PPP2R1B: variants seen among roughly 807,000 people sequenced by gnomAD.
PPP2R1B encodes protein phosphatase 2 scaffold subunit Abeta, also known as serine/threonine-protein phosphatase 2A 65 kDa regulatory subunit A beta isoform.
Under a neutral mutation model 72.7 loss-of-function variants are expected in PPP2R1B, and 58 were observed. The observed-to-expected ratio is 0.80, with a 90% CI of 0.65 to 0.99. The LOEUF (loss-of-function observed/expected upper bound fraction) is 0.99, where lower values mean the gene tolerates loss of function less well. Among genes scored for constraint, PPP2R1B ranks in the 50% least tolerant of loss-of-function variants. The probability of loss-of-function intolerance (pLI) is 0.00; values close to 1 mark genes in which losing one functional copy is unlikely to be tolerated. For missense variants in PPP2R1B, 695 were observed against 733.6 expected, an observed-to-expected ratio of 0.95 and a Z score of 0.61; for synonymous variants, 256 against 264.6, an observed-to-expected ratio of 0.97 and a Z score of 0.32.
At chr11:111,711,849 T>C in the PPP2R1B span, among the ~76,000 whole-genome samples, 4 of 152,220 alleles carry the variant, frequency 2.6e-5, no homozygotes, top group African/African-American at 4.8e-5. Context: ...ATTTTTCTAT[T>C]CTTTATCTGT....
At chr11:111,712,575 T>G in the PPP2R1B span, among the ~76,000 whole-genome samples, 8 of 152,328 alleles carry the variant, frequency 5.3e-5, no homozygotes, top group Admixed American at 4.6e-4. Context: ...AGTATGACCA[T>G]TACGTAATTT....
downstream of PPP2R1B, chr11:111,724,133 C>T: frequency 1.2e-6 from 2 of 1,604,098 alleles, no homozygotes; most frequent in Non-Finnish European, 1.7e-6. Flanking sequence ...GAATTAGTCT[C>T]AGCACAGGAA....
At chr11:111,724,429 T>G, downstream of PPP2R1B, 1 of 410,466 alleles carries the variant, frequency 2.4e-6, no homozygotes, top group Non-Finnish European at 4.4e-6. Flanking sequence ...TAAGAAGACA[T>G]TCAGACCCAG....
the PPP2R1B span, among the ~76,000 whole-genome samples, chr11:111,710,667 A>G: frequency 6.6e-6 from 1 of 152,348 alleles, no homozygotes; most frequent in South Asian, 2.1e-4. Context: ...TGAGTTAAGG[A>G]CATTGCATGT....
In PPP2R1B at chr11:111,754,513, G is replaced by A; in HGVS notation, c.1015C>T (p.Leu339=). The change falls in exon 8 of 15, where the codon CTG becomes TTG. Residue 339 remains leucine (L), a synonymous_variant. Coordinates refer to ENST00000527614, the MANE Select transcript of PPP2R1B (RefSeq NM_002716.5). Reference sequence around the variant, plus strand: ...GTCAGGTTTACCTTTATATAAGGCAGAATTTGATTCATAATTATGGTCTCT... The same window carrying A: ...GTCAGGTTTACCTTTATATAAGGCAAAATTTGATTCATAATTATGGTCTCT... The part of the protein sequence containing the change: ...DRETIIMNQI[L]PYIKELVSDT... 6.2e-7 allele frequency: 1 copy of A among 1,603,348 alleles called. No homozygotes were observed.
intron 11 of PPP2R1B, among the ~76,000 whole-genome samples, chr11:111,744,917 T>C (rs527836870): frequency 2.0e-5 from 3 of 152,300 alleles, no homozygotes; most frequent in Middle Eastern, 3.4e-3. Context: ...AGGAGCAAAC[T>C]CAAGTCAACT....
chr11:111,724,311 AC>A, downstream of PPP2R1B: 1 of 860,628 alleles, frequency 1.2e-6, no homozygotes, highest in Non-Finnish European at 1.7e-6. Context: ...GTTCTGCCCC[AC>A]CACAAAGTTT....
downstream of PPP2R1B, chr11:111,737,344 T>C: frequency 6.5e-7 from 1 of 1,536,914 alleles, no homozygotes; most frequent in Non-Finnish European, 8.9e-7. Flanking sequence ...AAGTGAGAGG[T>C]GCTGCTTCTC....
chr11:111,718,172 T>C, the PPP2R1B span, among the ~76,000 whole-genome samples: 1 of 152,240 alleles, frequency 6.6e-6, no homozygotes, highest in East Asian at 1.9e-4. Context: ...GCTCAATAGA[T>C]AATTAATTAA....
At chr11:111,712,313 C>T in the PPP2R1B span, 1 of 1,614,078 alleles carries the variant, frequency 6.2e-7, no homozygotes, top group African/African-American at 1.3e-5. Context: ...CTTTTCATTT[C>T]CAGCATCTGG....
chr11:111,747,878 G>C (rs182324785), intron 11 of PPP2R1B, 76 bp downstream of exon 11: 1 of 1,403,238 alleles, frequency 7.1e-7, no homozygotes, highest in East Asian at 2.3e-5. Flanking sequence ...TGGTCAGACT[G>C]AGATTCCTTT....
the PPP2R1B span, chr11:111,705,089 G>C: frequency 6.2e-7 from 1 of 1,605,578 alleles, no homozygotes; most frequent in Non-Finnish European, 8.5e-7. This position sits in a 1 kb window ranked among gnomAD's most constrained non-coding sequence, Gnocchi z 4.3. Flanking sequence ...GCAGAGACTT[G>C]ATGGCCGCCA....
the PPP2R1B span, chr11:111,703,534 CTGTTCAG>C: frequency 1.1e-6 from 1 of 871,284 alleles, no homozygotes; most frequent in Non-Finnish European, 1.8e-6. Flanking sequence ...CCTAGGCGTA[CTGTTCAG>C]TGTTCCCTAT....
At position 111,766,374 on chromosome 11, in the gene PPP2R1B, C is replaced by T. The variant is rs782802443; in HGVS notation, c.-13G>A. On this transcript the variant is annotated 5_prime_UTR_variant, in exon 1 of 15. Coordinates refer to ENST00000527614, the MANE Select transcript of PPP2R1B (RefSeq NM_002716.5). Reference sequence around the variant, plus strand: ...ATGCGCCCGCCATGTTCTTTCTCCTCCTGCTGCTGGTCACCGCCTCCCGCC... The same window carrying T: ...ATGCGCCCGCCATGTTCTTTCTCCTTCTGCTGCTGGTCACCGCCTCCCGCC... 35 of 1,058,422 alleles carry T rather than the reference C, an allele frequency of 3.3e-5. 1 individual carries two copies. The South Asian group carries it at 3.7e-4, about 11-fold the overall frequency. 65.6% of individuals were successfully genotyped at this position (1,058,422 alleles called of 1,614,324 possible).
At chr11:111,760,722 T>A in intron 4 of PPP2R1B, 97 bp downstream of exon 4, 2 of 1,044,362 alleles carry the variant, frequency 1.9e-6, no homozygotes, top group Non-Finnish European at 2.9e-6. Flanking sequence ...CAAGGTACTA[T>A]GTAAATTGTC....
chr11:111,723,973 C>T (rs1323529033), downstream of PPP2R1B: 7 of 1,614,040 alleles, frequency 4.3e-6, no homozygotes, highest in East Asian at 4.5e-5. Flanking sequence ...CCCAGCAGAG[C>T]GACCTAACGG....
chr11:111,741,665 T>A (rs1944524567), intron 14 of PPP2R1B, 53 bp from the exon 15 acceptor site: 1 of 1,566,428 alleles, frequency 6.4e-7, no homozygotes, highest in Non-Finnish European at 8.8e-7. Context: ...TCACGAACGA[T>A]CTATGTGAAT....
At chr11:111,701,343 A>C in the PPP2R1B span, 3 of 1,375,566 alleles carry the variant, frequency 2.2e-6, no homozygotes, top group Admixed American at 2.4e-5. The surrounding 1 kb of genome is among the most constrained non-coding windows in gnomAD (Gnocchi z 4.2). Flanking sequence ...ATAAATCCAG[A>C]CAGGAATTTT....
At chr11:111,761,974 A>G (rs1308408940) in intron 3 of PPP2R1B, among the ~76,000 whole-genome samples, 1 of 152,146 alleles carries the variant, frequency 6.6e-6, no homozygotes, top group South Asian at 2.1e-4. Flanking sequence ...AAAAAAAGGT[A>G]AAGTACAGAG....
Sources: gnomAD v4.1 joint callset for allele counts (sites outside exome capture counted in the v4.1 genomes callset) on GRCh38, gnomAD v4.1.1 for gene constraint, Gnocchi (gnomAD v3.1) non-coding constraint, MANE v1.5 for transcripts, NCBI Gene and HGNC (gene_info 2026-07-23, HGNC 2026-07-21) for gene names.